The following ZNF91 variants were observed in gnomAD, a reference collection of about 807,000 sequenced individuals.
ZNF91 encodes zinc finger protein 91 (HPF7, HTF10).
A neutral mutation model predicts 12.6 loss-of-function variants in ZNF91; 7 were observed. The ratio of observed to expected loss-of-function variants is 0.55; its 90% CI spans 0.31 to 1.04. ZNF91 has a LOEUF of 1.04. Among genes scored for constraint, ZNF91 ranks in the 50% least tolerant of loss-of-function variants. ZNF91 has a pLI of 0.05. For synonymous variants in ZNF91, 453 were observed against 462.6 expected (o/e 0.98, Z 0.27); for missense variants, 1,217 against 1,385.4 (o/e 0.88, Z 1.93).
At position 23,357,696 on chromosome 19, in the gene ZNF91, T is replaced by C. The variant is rs1599715959; in HGVS notation, c.*1707A>G. The C allele has an allele frequency of 6.6e-6, 1 of 152,218 alleles. No homozygotes were observed. Among genetic ancestry groups the C allele is most frequent in the Admixed American group, 6.5e-5 (1 of 15,290 alleles). 9.4% of individuals were successfully genotyped at this position (152,218 alleles called of 1,614,324 possible). ...AAGATTTATTCGGGACTCAGAAATATATGGATTTTACTTATGTTTGTATAT... is the reference window on the plus strand; with the variant it reads ...AAGATTTATTCGGGACTCAGAAATACATGGATTTTACTTATGTTTGTATAT... On this transcript the variant is annotated 3_prime_UTR_variant, in exon 4 of 4. Transcript: ENST00000300619.
chr19:23,325,785 G>A (rs1166425921), intron 1 of ZNF91: 2 of 151,716 alleles, frequency 1.3e-5, no homozygotes, highest in African/African-American at 4.8e-5. Flanking sequence ...TACCTCTTGA[G>A]TTAATTTTCT....
chr19:23,365,297 CAA>C (rs59288286), intron 3 of ZNF91, among the ~76,000 whole-genome samples: 40,867 of 135,930 alleles, frequency 0.3, 5,859 homozygotes, highest in African/African-American at 0.39. Flanking sequence ...CACAGTTCTA[CAA>C]AAAAAAAAAA....
intron 1 of ZNF91, 97 bp downstream of exon 1, chr19:23,395,228 C>A: frequency 6.9e-7 from 1 of 1,458,908 alleles, no homozygotes; most frequent in Non-Finnish European, 9.5e-7. Flanking sequence ...GATTGTGGAG[C>A]TGACTGAAGG....
At chr19:23,381,263 C>G (rs538057680) in intron 1 of ZNF91, among the ~76,000 whole-genome samples, 2 of 152,218 alleles carry the variant, frequency 1.3e-5, no homozygotes, top group Admixed American at 1.3e-4. Context: ...ATTAAAACAA[C>G]TATTTAAGGA....
At chr19:23,337,558 A>G (rs539612489), downstream of ZNF91, among the ~76,000 whole-genome samples, 2 of 152,112 alleles carry the variant, frequency 1.3e-5, no homozygotes, top group African/African-American at 4.8e-5. Context: ...AAATCAATAT[A>G]AAGACACATA....
intron 1 of ZNF91, among the ~76,000 whole-genome samples, chr19:23,390,049 G>C (rs1377828859): frequency 6.6e-6 from 1 of 152,192 alleles, no homozygotes; most frequent in Non-Finnish European, 1.5e-5. Flanking sequence ...AGGCGCGCCA[G>C]CTCACTTCTG....
chr19:23,310,382 C>T (rs564160167), intron 1 of ZNF91, among the ~76,000 whole-genome samples: 2 of 152,320 alleles, frequency 1.3e-5, no homozygotes, highest in African/African-American at 4.8e-5. Context: ...CACAGGTTGA[C>T]TGCTGTCTCT....
At chr19:23,345,838 G>A (rs567259032) in intron 3 of ZNF91, among the ~76,000 whole-genome samples, 1 of 151,968 alleles carries the variant, frequency 6.6e-6, no homozygotes, top group Admixed American at 6.6e-5. Context: ...AGTATTGCCT[G>A]TACCCACTGA....
intron 1 of ZNF91, among the ~76,000 whole-genome samples, chr19:23,394,904 T>A (rs1056567257): frequency 3.2e-4 from 49 of 152,304 alleles, no homozygotes; most frequent in African/African-American, 1.2e-3. Context: ...AATTATTTAA[T>A]CTTTTCGCGG....
At chr19:23,375,402 T>G (rs1969470597) in intron 1 of ZNF91, among the ~76,000 whole-genome samples, 1 of 151,986 alleles carries the variant, frequency 6.6e-6, no homozygotes, top group Admixed American at 6.6e-5. Flanking sequence ...CTCGTGATCC[T>G]CCCGCCTCGG....
At chr19:23,318,856 T>G (rs1967624631) in intron 1 of ZNF91, among the ~76,000 whole-genome samples, 1 of 152,198 alleles carries the variant, frequency 6.6e-6, no homozygotes, top group Non-Finnish European at 1.5e-5. Context: ...ATTCTCCTTA[T>G]TTTTCTGCTT....
upstream of ZNF91, among the ~76,000 whole-genome samples, chr19:23,311,740 T>C (rs557748856): frequency 6.6e-6 from 1 of 152,296 alleles, no homozygotes; most frequent in East Asian, 1.9e-4. Flanking sequence ...AACTCTCTTT[T>C]CCTGCCTGGC....
intron 3 of ZNF91, among the ~76,000 whole-genome samples, chr19:23,373,446 T>C (rs1162284636): frequency 1.3e-5 from 2 of 148,934 alleles, no homozygotes; most frequent in Non-Finnish European, 3.0e-5. Context: ...ATTAGCAAAA[T>C]GTAAAATGCA....
chr19:23,311,446 C>A (rs765031963), upstream of ZNF91, among the ~76,000 whole-genome samples: 14 of 152,212 alleles, frequency 9.2e-5, no homozygotes, highest in African/African-American at 1.7e-4. Context: ...CTCTCCTCTT[C>A]TGCCGGTCTT....
At chr19:23,387,968 A>C (rs915663546) in intron 1 of ZNF91, among the ~76,000 whole-genome samples, 1 of 135,176 alleles carries the variant, frequency 7.4e-6, no homozygotes, top group Non-Finnish European at 1.6e-5. Context: ...AAAAAAGGCC[A>C]GGCACAGTGG....
intron 1 of ZNF91, among the ~76,000 whole-genome samples, chr19:23,392,097 G>C (rs966101943): frequency 2.0e-5 from 3 of 151,916 alleles, no homozygotes; most frequent in African/African-American, 4.8e-5. Flanking sequence ...CAAAAATCAC[G>C]TAGCAAACAA....
At chr19:23,318,394 T>C (rs1187124479) in intron 1 of ZNF91, among the ~76,000 whole-genome samples, 2 of 152,122 alleles carry the variant, frequency 1.3e-5, no homozygotes, top group East Asian at 3.9e-4. Flanking sequence ...GGGCCCAGCA[T>C]TGAGTTGATG....
At chr19:23,368,174 C>G (rs576684667) in intron 3 of ZNF91, among the ~76,000 whole-genome samples, 68 of 152,136 alleles carry the variant, frequency 4.5e-4, no homozygotes, top group African/African-American at 1.6e-3. Context: ...TCCCAAAGCG[C>G]TGGGCGACGA....
At chr19:23,353,050 T>C (rs1358528079), downstream of ZNF91, among the ~76,000 whole-genome samples, 1 of 152,138 alleles carries the variant, frequency 6.6e-6, no homozygotes, top group Non-Finnish European at 1.5e-5. Context: ...AGACAGGTCA[T>C]CAAGACAGAA....
Sources: gnomAD v4.1 joint callset for allele counts (sites outside exome capture counted in the v4.1 genomes callset) on GRCh38, gnomAD v4.1.1 for gene constraint, MANE v1.5 for transcripts, NCBI Gene and HGNC (gene_info 2026-07-23, HGNC 2026-07-21) for gene names.